Variants in GRAMD4 observed in about 807,000 individuals in gnomAD.
The protein encoded by GRAMD4 is GRAM domain-containing protein 4.
GRAMD4 carries 25 observed loss-of-function variants against 83.9 expected under a neutral mutation model. That is an observed-to-expected ratio of 0.30 (90% CI 0.22 to 0.42). The LOEUF (loss-of-function observed/expected upper bound fraction) is 0.42, where lower values mean the gene tolerates loss of function less well. Among genes scored for constraint, GRAMD4 ranks in the 10% least tolerant of loss-of-function variants. The pLI is 1.00. For missense variants in GRAMD4, 593 were observed against 788.7 expected (o/e 0.75, Z 2.97); for synonymous variants, 336 against 320.9 (o/e 1.05, Z -0.50).
Position 46,679,177 on chromosome 22 carries a change from T to C in GRAMD4, c.*1926T>C. 1 of 979,210 alleles carries C rather than the reference T, an allele frequency of 1.0e-6. No homozygotes were observed. The highest frequency in any genetic ancestry group is 1.2e-6 in the Non-Finnish European group (1 of 823,918). 60.7% of individuals were successfully genotyped at this position (979,210 alleles called of 1,614,324 possible). A position where few individuals can be genotyped will look rare whatever the true frequency, so the allele number is the denominator to read the frequency against. ...GGGCCCGGCAGTGCCCAAGGATGGGTCCGGGGCCTCGGGGCCAATGAGCGC... is the reference window on the plus strand; with the variant it reads ...GGGCCCGGCAGTGCCCAAGGATGGGCCCGGGGCCTCGGGGCCAATGAGCGC... On this transcript the variant is annotated 3_prime_UTR_variant, in exon 19 of 19. Transcript: ENST00000406902.
intron 2 of GRAMD4, among the ~76,000 whole-genome samples, chr22:46,634,284 T>G (rs1413950175): frequency 6.6e-6 from 1 of 152,100 alleles, no homozygotes; most frequent in Non-Finnish European, 1.5e-5. Flanking sequence ...TGACCTTGCC[T>G]TGCAACCGCT....
At position 46,658,250 on chromosome 22, in the gene GRAMD4, G is replaced by A. The variant is rs1460376875; in HGVS notation, c.347G>A (p.Arg116His). Reference protein sequence around the residue: ...NAEMLRQELDRERQRRMELEQ... With the variant: ...NAEMLRQELDHERQRRMELEQ... The stretch of plus-strand genomic sequence containing the variant: ...GAGATGCTGCGGCAGGAGCTGGACC[G>A]CGAGCGGCAGCGGCGGATGGAGCTG... Residue 116 changes from arginine (R) to histidine (H), a missense_variant, in exon 4 of 19, where the codon CGC (arginine) becomes CAC (histidine). Coordinates refer to ENST00000406902, the MANE Select transcript of GRAMD4 (RefSeq NM_015124.5). 7 of 1,613,430 alleles carry A rather than the reference G, an allele frequency of 4.3e-6. No individual in the cohort carries two copies. Among genetic ancestry groups the A allele is most frequent in the Non-Finnish European group, 5.1e-6 (6 of 1,179,882 alleles).
intron 11 of GRAMD4, 52 bp downstream of exon 11, chr22:46,668,219 AGCCAGGGGTGTGTCTACGCCG>A (rs777299218): frequency 9.9e-6 from 13 of 1,315,784 alleles, no homozygotes; most frequent in African/African-American, 1.5e-5. Flanking sequence ...CATGGGCACC[AGCCAGGGGTGTGTCTACGCCG>A]GCCAGGGGTA....
intron 1 of GRAMD4, among the ~76,000 whole-genome samples, chr22:46,609,177 C>T (rs562458280): frequency 6.6e-6 from 1 of 152,198 alleles, no homozygotes; most frequent in African/African-American, 2.4e-5. Flanking sequence ...TGGGTTTTGC[C>T]CCAGAGACAT....
exon 1 of GRAMD4, chr22:46,577,226 C>T (rs1036737777): frequency 8.4e-6 from 8 of 955,180 alleles, no homozygotes; most frequent in African/African-American, 1.8e-5. Context: ...CGTAGCGCGG[C>T]CGGGCGGCCG....
chr22:46,615,488 C>T (rs1483392402), upstream of GRAMD4, among the ~76,000 whole-genome samples: 2 of 148,850 alleles, frequency 1.3e-5, no homozygotes, highest in Non-Finnish European at 3.0e-5. Context: ...TGTAGGTTCC[C>T]CCGTGTGTGC....
intron 3 of GRAMD4, among the ~76,000 whole-genome samples, chr22:46,644,244 A>C (rs2082032224): frequency 6.6e-6 from 1 of 152,156 alleles, no homozygotes; most frequent in Admixed American, 6.5e-5. Flanking sequence ...TCCGTGTTAC[A>C]ACTGTCCCTG....
intron 1 of GRAMD4, among the ~76,000 whole-genome samples, chr22:46,590,564 C>A (rs1452662515): frequency 1.3e-5 from 2 of 152,148 alleles, no homozygotes; most frequent in South Asian, 2.1e-4. Flanking sequence ...TCGTGACTGG[C>A]CTGGTTTGGT....
At chr22:46,581,748 G>T (rs545554438) in intron 1 of GRAMD4, among the ~76,000 whole-genome samples, 1 of 152,242 alleles carries the variant, frequency 6.6e-6, no homozygotes, top group South Asian at 2.1e-4. Flanking sequence ...AGGTTGCTGC[G>T]TGGTAGAGGT....
At chr22:46,674,298 G>A (rs532442617) in intron 15 of GRAMD4, among the ~76,000 whole-genome samples, 2 of 152,312 alleles carry the variant, frequency 1.3e-5, no homozygotes, top group South Asian at 4.2e-4. Context: ...GGAGAACGGA[G>A]CTTCGTCCTC....
intron 11 of GRAMD4, among the ~76,000 whole-genome samples, chr22:46,668,446 C>T (rs1429038771): frequency 2.0e-5 from 3 of 152,140 alleles, no homozygotes; most frequent in Non-Finnish European, 2.9e-5. Flanking sequence ...CCCTCCCCAC[C>T]GCCCCTGGCC....
chr22:46,581,347 C>A (rs1476530830), intron 1 of GRAMD4, among the ~76,000 whole-genome samples: 1 of 152,216 alleles, frequency 6.6e-6, no homozygotes, highest in Non-Finnish European at 1.5e-5. Context: ...CACACAGCTT[C>A]ACCCCATTTT....
At chr22:46,607,248 G>T (rs2081374748) in intron 1 of GRAMD4, among the ~76,000 whole-genome samples, 1 of 152,032 alleles carries the variant, frequency 6.6e-6, no homozygotes, top group African/African-American at 2.4e-5. Flanking sequence ...TAATGTAAAT[G>T]ACGAGTTGAT....
rs1267584042 is a variant in GRAMD4 at position 46,658,235 on chromosome 22, G to A, written c.332G>A (p.Arg111Gln). 6 of 1,613,616 alleles carry A rather than the reference G, an allele frequency of 3.7e-6. No individual in the cohort carries two copies. The highest frequency in any genetic ancestry group is 3.3e-5 in the South Asian group (3 of 91,082). Residue 111 changes from arginine to glutamine, a missense_variant, in exon 4 of 19, where the codon CGG becomes CAG. By Grantham distance (43) the Arg-to-Gln change is conservative. Around this residue, in one of 4 missense-constraint regions of GRAMD4, gnomAD observed 312 missense variants for 350.7 expected, o/e 0.89. Transcript: ENST00000406902. ...GAAGAAACCAACGCGGAGATGCTGCGGCAGGAGCTGGACCGCGAGCGGCAG... is the reference window on the plus strand; with the variant it reads ...GAAGAAACCAACGCGGAGATGCTGCAGCAGGAGCTGGACCGCGAGCGGCAG... ...LREETNAEML[R>Q]QELDRERQRR...
At chr22:46,594,991 G>C (rs1023608619) in intron 1 of GRAMD4, among the ~76,000 whole-genome samples, 12 of 152,158 alleles carry the variant, frequency 7.9e-5, no homozygotes, top group African/African-American at 2.9e-4. Flanking sequence ...CTGCTGCTCT[G>C]AGTGCGGTGC....
intron 9 of GRAMD4, among the ~76,000 whole-genome samples, chr22:46,666,127 A>T (rs1312304431): frequency 2.6e-5 from 4 of 152,162 alleles, no homozygotes; most frequent in African/African-American, 9.7e-5. Flanking sequence ...TGCAGACAGC[A>T]CGCCCGTGTG....
chr22:46,638,294 A>C (rs1438683839), intron 3 of GRAMD4, among the ~76,000 whole-genome samples: 2 of 152,222 alleles, frequency 1.3e-5, no homozygotes, highest in Non-Finnish European at 1.5e-5. Flanking sequence ...GAAAATTGTA[A>C]TTATTTTAGT....
Position 46,659,307 on chromosome 22 carries a change from C to T in GRAMD4, c.404+1000C>T, listed in dbSNP as rs958398387. Among the ~76,000 whole-genome samples the T allele has an allele frequency of 3.3e-5, 5 of 151,992 alleles. No homozygotes were observed. The highest frequency in any genetic ancestry group is 2.1e-4 in the South Asian group (1 of 4,808). ...TCCCCCCAGCATCATCTTCAGCCTC[C>T]GTCCTCAGACTCCACTCCCTCAGCC... On this transcript the variant is annotated intron_variant, in intron 4 of 18. Coordinates refer to ENST00000406902, the MANE Select transcript of GRAMD4 (RefSeq NM_015124.5). This position sits in a 1 kb window ranked among gnomAD's most constrained non-coding sequence, Gnocchi z 4.1.
chr22:46,628,935 G>A (rs2081721269), intron 2 of GRAMD4, among the ~76,000 whole-genome samples: 1 of 152,034 alleles, frequency 6.6e-6, no homozygotes. Flanking sequence ...GTCTGGACCA[G>A]CTCTGGTGGG....
Sources: gnomAD v4.1 joint callset for allele counts (sites outside exome capture counted in the v4.1 genomes callset) on GRCh38, gnomAD v4.1.1 for gene constraint, gnomAD v4.1.1 regional missense constraint, Gnocchi (gnomAD v3.1) non-coding constraint, MANE v1.5 for transcripts, NCBI Gene and HGNC (gene_info 2026-07-23, HGNC 2026-07-21) for gene names.